The following ALMS1 variants were observed in gnomAD, a reference collection of about 807,000 sequenced individuals.
The protein encoded by ALMS1 is centrosome-associated protein ALMS1.
ALMS1 carries 271 observed loss-of-function variants against 352.2 expected under a neutral mutation model. The ratio of observed to expected loss-of-function variants is 0.77; its 90% confidence interval spans 0.70 to 0.85. The LOEUF is 0.85. Ranked by LOEUF, ALMS1 falls within the 40% of genes least tolerant of loss-of-function variation. The pLI is 0.00. For missense variants in ALMS1, 5,445 were observed against 4,870.7 expected (o/e 1.12, Z -3.51); for synonymous variants, 1,865 against 1,761.2 (o/e 1.06, Z -1.48).
Position 73,550,423 on chromosome 2 carries a change from A to T in ALMS1, c.10064A>T (p.Gln3355Leu). The T allele has an allele frequency of 6.2e-7, 1 of 1,614,160 alleles. No individual in the cohort carries two copies. Among genetic ancestry groups the T allele is most frequent in the East Asian group, 2.2e-5 (1 of 44,878 alleles). Residue 3355 changes from glutamine (Q) to leucine (L), a missense_variant, in exon 13 of 23, where the codon CAG becomes CTG. By Grantham distance (113) the Gln-to-Leu change is moderately radical. Transcript: ENST00000613296. ...ASLPVGEKPL[Q>L]NENADASVQV... ...TTGCCAGTGGGAGAAAAACCCTTGC[A>T]GAATGAAAATGCAGGTAACTGGATT...
chr2:73,541,616 G>A (rs1002263333), intron 12 of ALMS1, among the ~76,000 whole-genome samples: 2 of 152,094 alleles, frequency 1.3e-5, no homozygotes, highest in African/African-American at 4.8e-5. Flanking sequence ...TTGATAGACT[G>A]CTGGCCAGAC....
chr2:73,507,825 A>G (rs1404719948), intron 10 of ALMS1, among the ~76,000 whole-genome samples: 1 of 151,462 alleles, frequency 6.6e-6, no homozygotes, highest in East Asian at 1.9e-4. Context: ...CTAGCTTTTG[A>G]ATTTGTTTGC....
At chr2:73,568,512 A>G (rs192961883) in intron 15 of ALMS1, among the ~76,000 whole-genome samples, 36 of 152,306 alleles carry the variant, frequency 2.4e-4, no homozygotes, top group Admixed American at 2.0e-3. Context: ...GGTAAAGTAA[A>G]TCAGTTTAAT....
At chr2:73,497,587 G>A (rs547350942) in intron 10 of ALMS1, among the ~76,000 whole-genome samples, 9 of 152,120 alleles carry the variant, frequency 5.9e-5, no homozygotes, top group Admixed American at 2.0e-4. Flanking sequence ...GTATAATAGC[G>A]TTATGTCTAA....
intron 12 of ALMS1, among the ~76,000 whole-genome samples, chr2:73,539,537 C>T (rs11689767): frequency 0.13 from 19,871 of 152,094 alleles, 1,381 homozygotes; most frequent in East Asian, 0.22. Flanking sequence ...ATGACTTTGA[C>T]GAGTTGAGAG....
intron 19 of ALMS1, 134 bp downstream of exon 19, chr2:73,601,570 C>A: frequency 7.2e-7 from 1 of 1,381,364 alleles, no homozygotes; most frequent in Admixed American, 2.0e-5. Context: ...CCGCAGTTCA[C>A]CTGTTTTCAC....
In ALMS1 at chr2:73,453,859, A is replaced by G; in HGVS notation, c.7332A>G (p.Leu2444=). ...TGGAATCAGTTTCTGATGTTCTTCT[A>G]AACTTCTTTCCATATGTTTCACCCA... is the stretch of plus-strand genomic sequence containing the variant. ...ESLESVSDVL[L]NFFPYVSPKT... Residue 2444 remains leucine, a synonymous_variant, in exon 8 of 23, where the codon CTA becomes CTG. Transcript: ENST00000613296. The G allele has an allele frequency of 2.5e-6, 4 of 1,614,164 alleles. No homozygotes were observed. Among genetic ancestry groups the G allele is most frequent in the East Asian group, 4.5e-5 (2 of 44,890 alleles).
chr2:73,491,290 C>G lies in ALMS1; in HGVS notation c.9331C>G (p.Gln3111Glu). Reference sequence around the variant, plus strand: ...GACCAGTAAACCTGTAGCACAGGATCAAGAATCTTTAGGTTTTCTAGGACC... The same window carrying G: ...GACCAGTAAACCTGTAGCACAGGATGAAGAATCTTTAGGTTTTCTAGGACC... ...LLTSKPVAQDQESLGFLGPKS... is the reference protein window; with the variant it reads ...LLTSKPVAQDEESLGFLGPKS... Residue 3111 changes from glutamine to glutamate, a missense_variant, in exon 10 of 23, where the codon CAA becomes GAA. By Grantham distance (29) the Gln-to-Glu change is conservative. Coordinates refer to ENST00000613296, the MANE Select transcript of ALMS1 (RefSeq NM_001378454.1). 6.2e-7 allele frequency: 1 copy of G among 1,614,178 alleles called. No individual in the cohort carries two copies.
At chr2:73,422,617 A>G (rs1439397034) in intron 3 of ALMS1, among the ~76,000 whole-genome samples, 2 of 152,140 alleles carry the variant, frequency 1.3e-5, no homozygotes, top group East Asian at 3.9e-4. Flanking sequence ...AGATATATAT[A>G]ATAATACCTA....
intron 16 of ALMS1, among the ~76,000 whole-genome samples, chr2:73,591,172 ATTTC>A (rs941493374): frequency 6.6e-5 from 10 of 152,010 alleles, no homozygotes; most frequent in East Asian, 1.9e-4. Context: ...ATTGTTATGT[ATTTC>A]TTTATTTCTG....
rs1320324997 is a variant in ALMS1 at position 73,449,816 on chromosome 2, T to A, written c.3289T>A (p.Tyr1097Asn). 6.2e-7 allele frequency: 1 copy of A among 1,614,114 alleles called. No homozygotes were observed. Among genetic ancestry groups the A allele is most frequent in the South Asian group, 1.1e-5 (1 of 91,084 alleles). Reference sequence around the variant, plus strand: ...CACACCAGCAGTACCGTCTACTTTCTACTCACAAAGAGAGAAGCCTGGTAT... The same window carrying A: ...CACACCAGCAGTACCGTCTACTTTCAACTCACAAAGAGAGAAGCCTGGTAT... The part of the protein sequence containing the change: ...TDTPAVPSTF[Y>N]SQREKPGIFY... The change falls in exon 8 of 23, where the codon TAC (tyrosine) becomes AAC (asparagine). Residue 1097 changes from tyrosine to asparagine, a missense_variant. By Grantham distance (143) the Tyr-to-Asn change is moderately radical. Transcript: ENST00000613296.
chr2:73,566,850 C>T (rs776643258), intron 15 of ALMS1, among the ~76,000 whole-genome samples: 1 of 152,136 alleles, frequency 6.6e-6, no homozygotes, highest in Non-Finnish European at 1.5e-5. Flanking sequence ...GTAATTTGCT[C>T]GAATGGCTCA....
At chr2:73,460,579 C>A (rs1672169145) in intron 9 of ALMS1, among the ~76,000 whole-genome samples, 1 of 152,160 alleles carries the variant, frequency 6.6e-6, no homozygotes, top group Non-Finnish European at 1.5e-5. Context: ...TAGGGAGTGC[C>A]AGACAGTGGG....
At position 73,448,889 on chromosome 2, in the gene ALMS1, C is replaced by G; in HGVS notation, c.2362C>G (p.Leu788Val). ...AGACAGTCATCTACCTGAAGAGGGT[C>G]TGAAAGTTTCAGCTGTTGCTGGACC... ...LADSHLPEEG[L>V]KVSAVAGPAD... The change falls in exon 8 of 23, where the codon CTG becomes GTG. Residue 788 changes from leucine to valine, a missense_variant. By Grantham distance (32) the Leu-to-Val change is conservative (BLOSUM62 1). Transcript: ENST00000613296. The G allele has an allele frequency of 6.2e-7, 1 of 1,613,970 alleles. No individual in the cohort carries two copies. Among genetic ancestry groups the G allele is most frequent in the Non-Finnish European group, 8.5e-7 (1 of 1,179,958 alleles).
At chr2:73,500,509 T>G (rs1038468132) in intron 10 of ALMS1, among the ~76,000 whole-genome samples, 2 of 152,164 alleles carry the variant, frequency 1.3e-5, no homozygotes. Context: ...TTCAGAACTT[T>G]AGGCTCCTGC....
At chr2:73,415,270 A>G (rs1267262342) in intron 2 of ALMS1, among the ~76,000 whole-genome samples, 1 of 152,216 alleles carries the variant, frequency 6.6e-6, no homozygotes, top group African/African-American at 2.4e-5. Flanking sequence ...GCAGAAAGTT[A>G]AAAAAGGTTG....
intron 9 of ALMS1, among the ~76,000 whole-genome samples, chr2:73,476,580 GTTTT>G (rs1203656874): frequency 1.3e-5 from 2 of 148,386 alleles, no homozygotes; most frequent in South Asian, 2.1e-4. Context: ...GTTTTTTTTT[GTTTT>G]TTTTTTTCCT....
intron 3 of ALMS1, among the ~76,000 whole-genome samples, chr2:73,422,138 T>TA (rs1002084533): frequency 1.3e-5 from 2 of 152,120 alleles, no homozygotes; most frequent in Non-Finnish European, 2.9e-5. Flanking sequence ...ACATATTTTA[T>TA]AAAAAATAAC....
chr2:73,440,797 C>G (rs938303438), intron 7 of ALMS1, among the ~76,000 whole-genome samples: 2 of 152,168 alleles, frequency 1.3e-5, no homozygotes, highest in Admixed American at 6.5e-5. Flanking sequence ...ATATCCTGGA[C>G]ATTTTGGATA....
Sources: gnomAD v4.1 joint callset for allele counts (sites outside exome capture counted in the v4.1 genomes callset) on GRCh38, gnomAD v4.1.1 for gene constraint, MANE v1.5 for transcripts, NCBI Gene and HGNC (gene_info 2026-07-23, HGNC 2026-07-21) for gene names.